GPATCH1: variants seen among roughly 807,000 people sequenced by gnomAD.
The protein encoded by GPATCH1 is G-patch domain containing 1.
A neutral mutation model predicts 114.9 loss-of-function variants in GPATCH1; 73 were observed. The observed-to-expected ratio is 0.64, with a 90% CI of 0.53 to 0.77. The LOEUF (loss-of-function observed/expected upper bound fraction) is 0.77. GPATCH1 is among the 30% of genes least tolerant of loss of function. The pLI is 0.00. For missense variants in GPATCH1, 1,058 were observed against 1,144.3 expected (o/e 0.92, Z 1.09); for synonymous variants, 391 against 428.4 (o/e 0.91, Z 1.08).
At chr19:33,121,618 C>T (rs752868661) in intron 17 of GPATCH1, among the ~76,000 whole-genome samples, 6 of 152,066 alleles carry the variant, frequency 3.9e-5, no homozygotes, top group African/African-American at 7.2e-5. Context: ...CGCACCCGGC[C>T]GCCAAGTCTC....
At chr19:33,115,225 ATTTT>A (rs71176196) in intron 15 of GPATCH1, among the ~76,000 whole-genome samples, 226 of 56,838 alleles carry the variant, frequency 4.0e-3, no homozygotes, top group South Asian at 0.015. Context: ...TGCCTGGCTA[ATTTT>A]TTTTTTTTTT....
At chr19:33,113,045 G>A (rs934505319) in intron 13 of GPATCH1, 4 of 158,420 alleles carry the variant, frequency 2.5e-5, no homozygotes, top group Admixed American at 1.3e-4. Flanking sequence ...GGGAGGCCAA[G>A]GCAGGAGGAT....
Position 33,125,131 on chromosome 19 carries a change from CAA to C in GPATCH1, c.2552_2553del (p.Lys851ArgfsTer4), listed in dbSNP as rs1568351793. The C allele has an allele frequency of 6.2e-7, 1 of 1,600,966 alleles. No individual in the cohort carries two copies. Among genetic ancestry groups the C allele is most frequent in the Non-Finnish European group, 8.5e-7 (1 of 1,173,538 alleles). ...TGCTCGTCAGACACTTGAGGTTCCT[CAA>C]AAAGAGAAACATAAAAAGAACAAAG... is the stretch of plus-strand genomic sequence containing the variant. Reference protein sequence around the residue: ...PNARQTLEVPQKEKHKKNKDK... With the variant: ...PNARQTLEVPXKEKHKKNKDK... On this transcript the variant is annotated frameshift_variant, in exon 18 of 20. Coordinates refer to ENST00000170564, the MANE Select transcript of GPATCH1 (RefSeq NM_018025.3). LOFTEE classifies it high-confidence loss of function.
intron 15 of GPATCH1, among the ~76,000 whole-genome samples, chr19:33,117,595 G>A (rs892009308): frequency 6.6e-6 from 1 of 152,016 alleles, no homozygotes; most frequent in African/African-American, 2.4e-5. Flanking sequence ...CGCCTGGCCC[G>A]GTTTTGCTTC....
intron 9 of GPATCH1, among the ~76,000 whole-genome samples, chr19:33,105,303 G>A (rs181367642): frequency 2.7e-5 from 4 of 150,098 alleles, no homozygotes; most frequent in South Asian, 4.2e-4. Context: ...ATGGTGATGC[G>A]TGCCTGTAAT....
rs796870971 is a variant in GPATCH1 at position 33,129,950 on chromosome 19, A to C, written c.2766-180A>C. Among the ~76,000 whole-genome samples, 21 of 37,232 alleles carry C rather than the reference A, an allele frequency of 5.6e-4. 1 individual carries two copies. The South Asian group carries it at 0.035, about 61-fold the overall frequency. 24.4% of individuals were successfully genotyped at this position (37,232 alleles called of 152,430 possible). A position where few individuals can be genotyped will look rare whatever the true frequency, so the allele number is the denominator to read the frequency against. ...CAAAAGTGAGACTCCATCTCGGGGGAAAAAAAAAAAAAAGCACAGATTAGG... is the reference window on the plus strand; with the variant it reads ...CAAAAGTGAGACTCCATCTCGGGGGCAAAAAAAAAAAAAGCACAGATTAGG... On this transcript the variant is annotated intron_variant, in intron 19 of 19. Transcript: ENST00000170564.
intron 7 of GPATCH1, among the ~76,000 whole-genome samples, chr19:33,096,905 A>T (rs1162304369): frequency 2.6e-5 from 4 of 151,334 alleles, no homozygotes; most frequent in Non-Finnish European, 5.9e-5. Flanking sequence ...CTAGGATTAC[A>T]GGCATGAGCC....
chr19:33,081,746 A>G (rs537750365), intron 1 of GPATCH1, among the ~76,000 whole-genome samples: 2 of 152,292 alleles, frequency 1.3e-5, no homozygotes, highest in South Asian at 4.1e-4. Flanking sequence ...CGGGGGAGAC[A>G]GGTAGAAAAG....
intron 1 of GPATCH1, among the ~76,000 whole-genome samples, chr19:33,085,196 T>C (rs986103347): frequency 1.3e-5 from 2 of 152,128 alleles, no homozygotes; most frequent in Non-Finnish European, 2.9e-5. Flanking sequence ...GCTGCTTGCA[T>C]GGCAAGGCCC....
chr19:33,110,938 A>T (rs1016484438), intron 11 of GPATCH1, among the ~76,000 whole-genome samples: 3 of 150,908 alleles, frequency 2.0e-5, no homozygotes, highest in African/African-American at 7.3e-5. Context: ...TGGGCAACAT[A>T]GTGAGATCCT....
intron 19 of GPATCH1, among the ~76,000 whole-genome samples, chr19:33,127,535 A>T (rs1190646828): frequency 5.3e-5 from 8 of 151,620 alleles, no homozygotes; most frequent in South Asian, 4.2e-4. Flanking sequence ...AAAAAAAAAA[A>T]AGAAAAGAAA....
intron 15 of GPATCH1, among the ~76,000 whole-genome samples, chr19:33,115,276 T>C (rs1972905715): frequency 6.8e-6 from 1 of 146,842 alleles, no homozygotes; most frequent in African/African-American, 2.5e-5. Context: ...GGCCTTGCTA[T>C]GTTTTTCCAG....
chr19:33,094,270 G>A lies in GPATCH1; in HGVS notation c.553+1G>A. The A allele has an allele frequency of 2.0e-6, 3 of 1,514,082 alleles. No individual in the cohort carries two copies. In the South Asian group the frequency reaches 3.4e-5, roughly 17 times the overall value. The allele number at this position is 1,514,082 out of a possible 1,614,324, so 93.8% of individuals were successfully genotyped here. A position where few individuals can be genotyped will look rare whatever the true frequency, so the allele number is the denominator to read the frequency against. On this transcript the variant is annotated splice_donor_variant, in intron 5 of 19. Coordinates refer to ENST00000170564, the MANE Select transcript of GPATCH1 (RefSeq NM_018025.3). LOFTEE classifies it high-confidence loss of function. The stretch of plus-strand genomic sequence containing the variant: ...AGACGGCCACGCCGACAGAAACCTG[G>A]TGTGTATGTTAATTGATTAACTGTT...
At chr19:33,093,542 C>T in intron 4 of GPATCH1, 23 bp downstream of exon 4, 1 of 1,602,118 alleles carries the variant, frequency 6.2e-7, no homozygotes, top group African/African-American at 1.3e-5. Flanking sequence ...TTCTGACTGT[C>T]ATGATCTTAG....
At chr19:33,114,812 T>C (rs2145331885) in intron 15 of GPATCH1, among the ~76,000 whole-genome samples, 1 of 143,552 alleles carries the variant, frequency 7.0e-6, no homozygotes, top group East Asian at 2.0e-4. Flanking sequence ...TTTTTTTTTT[T>C]TTTTTTTTGA....
At chr19:33,104,172 A>G (rs1599858280) in intron 9 of GPATCH1, among the ~76,000 whole-genome samples, 1 of 150,084 alleles carries the variant, frequency 6.7e-6, no homozygotes, top group South Asian at 2.1e-4. Flanking sequence ...TCTACAAAAA[A>G]TACAAAAAAA....
intron 14 of GPATCH1, 96 bp downstream of exon 14, chr19:33,113,999 T>C: frequency 9.1e-7 from 1 of 1,093,636 alleles, no homozygotes; most frequent in Admixed American, 2.3e-5. Flanking sequence ...CCTAACAATG[T>C]GAATGGTGCA....
At chr19:33,093,304 G>A in intron 3 of GPATCH1, 55 bp from the exon 4 acceptor site, 2 of 1,137,296 alleles carry the variant, frequency 1.8e-6, no homozygotes, top group Non-Finnish European at 2.6e-6. Flanking sequence ...ACTATGTGAT[G>A]TATTGTGTAT....
chr19:33,088,136 G>C lies in GPATCH1; in HGVS notation c.76G>C (p.Glu26Gln). Residue 26 changes from glutamate (E) to glutamine (Q), a missense_variant and splice_region_variant, in exon 2 of 20, where the codon GAA becomes CAA. By Grantham distance (29) the Glu-to-Gln change is conservative. Transcript: ENST00000170564. ...ACTTTTTTTTTTTTTTTTTTTAGGT[G>C]AAAGACCAAAGAAACCAATCCCTCT... ...GTGLEPLEEGERPKKPIPLQD... is the reference protein window; with the variant it reads ...GTGLEPLEEGQRPKKPIPLQD... 2 of 1,165,118 alleles carry C rather than the reference G, an allele frequency of 1.7e-6. No individual in the cohort carries two copies. Among genetic ancestry groups the C allele is most frequent in the South Asian group, 1.7e-5 (1 of 59,124 alleles). The allele number at this position is 1,165,118 out of a possible 1,614,324, so 72.2% of individuals were successfully genotyped here. A position where few individuals can be genotyped will look rare whatever the true frequency, so the allele number is the denominator to read the frequency against.
Sources: allele counts gnomAD v4.1 joint callset (sites outside exome capture counted in the v4.1 genomes callset), GRCh38; gene constraint gnomAD v4.1.1; transcripts MANE v1.5; gene names NCBI Gene and HGNC (gene_info 2026-07-23, HGNC 2026-07-21).